THSD7B: variants seen among roughly 807,000 people sequenced by gnomAD.
THSD7B encodes thrombospondin type 1 domain containing 7B, also known as thrombospondin type-1 domain-containing protein 7B.
THSD7B carries 138 observed loss-of-function variants against 213.6 expected under a neutral mutation model. The ratio of observed to expected loss-of-function variants is 0.65; its 90% CI spans 0.56 to 0.74. The LOEUF (loss-of-function observed/expected upper bound fraction) is 0.74. THSD7B is among the 30% of genes least tolerant of loss of function. THSD7B has a pLI of 0.00. For missense variants in THSD7B, 1,931 were observed against 1,991.5 expected (o/e 0.97, Z 0.58); for synonymous variants, 742 against 687.0 (o/e 1.08, Z -1.25).
intron 1 of THSD7B, among the ~76,000 whole-genome samples, chr2:136,871,753 T>C (rs2104981583): frequency 6.6e-6 from 1 of 152,322 alleles, no homozygotes; most frequent in Non-Finnish European, 1.5e-5. Flanking sequence ...TCATTCTCAT[T>C]GGGGAAGCTG....
chr2:137,308,751 C>A (rs1407928330), intron 12 of THSD7B, among the ~76,000 whole-genome samples: 2 of 151,974 alleles, frequency 1.3e-5, no homozygotes, highest in Non-Finnish European at 2.9e-5. Flanking sequence ...AAAGAAACCA[C>A]TATTTATTTT....
In THSD7B at chr2:136,926,775, A is replaced by G. The variant is rs547410599; in HGVS notation, c.139+44458A>G. ...ACCTCTTTTGTCCACTTTACTCAAT[A>G]TTTCTGTGAATTGCTGTGGAATCTT... is the stretch of plus-strand genomic sequence containing the variant. On this transcript the variant is annotated intron_variant, in intron 2 of 27. Transcript: ENST00000409968. 7.2e-5 allele frequency among the ~76,000 whole-genome samples: 11 copies of G among 152,078 alleles called. No homozygotes were observed. In the East Asian group the frequency reaches 1.6e-3, roughly 21 times the overall value.
chr2:136,919,778 G>C (rs937043198), intron 2 of THSD7B, among the ~76,000 whole-genome samples: 6 of 152,188 alleles, frequency 3.9e-5, no homozygotes, highest in Admixed American at 6.5e-5. Context: ...CAGGTGCAGA[G>C]GGGCAAGGAG....
intron 2 of THSD7B, among the ~76,000 whole-genome samples, chr2:137,028,626 A>C (rs1168691500): frequency 6.6e-6 from 1 of 152,244 alleles, no homozygotes; most frequent in Non-Finnish European, 1.5e-5. Flanking sequence ...GATAGGTAAT[A>C]GTCTAGAAGG....
rs766058403 is a variant in THSD7B, at chr2:137,359,241, C to T, written c.2501-46372C>T. On this transcript the variant is annotated intron_variant, in intron 12 of 27. Transcript: ENST00000409968. Reference sequence around the variant, plus strand: ...CCTTCAGGGTCCTGGAAAGGAGCTACTTCTAGGAGCATCTCAGTCCAGGAG... The same window carrying T: ...CCTTCAGGGTCCTGGAAAGGAGCTATTTCTAGGAGCATCTCAGTCCAGGAG... 4.6e-5 allele frequency among the ~76,000 whole-genome samples: 7 copies of T among 152,274 alleles called. No individual in the cohort carries two copies. In the East Asian group the frequency reaches 1.4e-3, roughly 29 times the overall value.
intron 14 of THSD7B, among the ~76,000 whole-genome samples, chr2:137,424,888 G>A (rs896185253): frequency 4.6e-5 from 7 of 151,898 alleles, no homozygotes; most frequent in Admixed American, 2.6e-4. Flanking sequence ...TGGCTAAGAC[G>A]GTGAAACCTC....
chr2:137,514,563 C>G (rs1312277085), intron 15 of THSD7B, among the ~76,000 whole-genome samples: 1 of 152,048 alleles, frequency 6.6e-6, no homozygotes, highest in Admixed American at 6.5e-5. Flanking sequence ...ATTTCTGTCC[C>G]TCTAGAGAAC....
At chr2:137,170,116 C>T (rs781188367) in intron 6 of THSD7B, among the ~76,000 whole-genome samples, 1 of 152,148 alleles carries the variant, frequency 6.6e-6, no homozygotes, top group African/African-American at 2.4e-5. Context: ...GTTCTTATTA[C>T]AGTCTCTGGC....
chr2:137,147,215 A>C (rs10168740), intron 5 of THSD7B, among the ~76,000 whole-genome samples: 113,773 of 151,856 alleles, frequency 0.75, 42,793 homozygotes, highest in African/African-American at 0.77. Context: ...ATGAATGCAC[A>C]TGGGAAGAAG....
At chr2:137,281,494 G>C (rs1683012054) in intron 12 of THSD7B, among the ~76,000 whole-genome samples, 1 of 151,752 alleles carries the variant, frequency 6.6e-6, no homozygotes, top group South Asian at 2.1e-4. Context: ...TGCCATGTTG[G>C]TGTGCTGCAC....
intron 14 of THSD7B, among the ~76,000 whole-genome samples, chr2:137,435,414 TC>T (rs1278284605): frequency 2.0e-5 from 3 of 152,198 alleles, no homozygotes; most frequent in Non-Finnish European, 4.4e-5. Flanking sequence ...TTAAATCTTT[TC>T]AGATTCTTGA....
chr2:137,423,835 TGA>T (rs1461111203), intron 14 of THSD7B, among the ~76,000 whole-genome samples: 1 of 152,072 alleles, frequency 6.6e-6, no homozygotes, highest in Admixed American at 6.6e-5. Flanking sequence ...TATGGAAATG[TGA>T]GAGATCAAGA....
rs913328458 is a variant in THSD7B at position 137,195,471 on chromosome 2, G to A, written c.1723+24533G>A. On this transcript the variant is annotated intron_variant, in intron 7 of 27. Transcript: ENST00000409968. ...ATCAGAAAAAACAAGATGAGCTTGG[G>A]AGATCTTCATGTGCCAAAAAGTAAG... Among the ~76,000 whole-genome samples the A allele has an allele frequency of 3.9e-5, 6 of 152,138 alleles. No homozygotes were observed. In the South Asian group the frequency reaches 8.3e-4, roughly 21 times the overall value.
chr2:137,179,211 C>T (rs1406636186), intron 7 of THSD7B, among the ~76,000 whole-genome samples: 1 of 152,194 alleles, frequency 6.6e-6, no homozygotes, highest in Non-Finnish European at 1.5e-5. Context: ...CTATCCTTTT[C>T]ATCTTCCCCC....
chr2:137,414,233 A>T (rs1261972256), intron 14 of THSD7B, among the ~76,000 whole-genome samples: 2 of 152,160 alleles, frequency 1.3e-5, no homozygotes, highest in East Asian at 1.9e-4. Flanking sequence ...CATAACTTTT[A>T]TGGTACTTGT....
At chr2:137,527,485 C>T (rs1457684504) in intron 15 of THSD7B, among the ~76,000 whole-genome samples, 1 of 152,072 alleles carries the variant, frequency 6.6e-6, no homozygotes, top group Non-Finnish European at 1.5e-5. Flanking sequence ...AGTTACCTTG[C>T]TCCATTTTTT....
intron 1 of THSD7B, among the ~76,000 whole-genome samples, chr2:136,824,838 C>T (rs1188256538): frequency 2.0e-5 from 3 of 152,162 alleles, no homozygotes; most frequent in East Asian, 3.8e-4. Context: ...TGCATACTGA[C>T]TTTGAGAATA....
chr2:136,950,605 T>C (rs184290105), intron 2 of THSD7B, among the ~76,000 whole-genome samples: 283 of 152,306 alleles, frequency 1.9e-3, no homozygotes, highest in African/African-American at 6.5e-3. Context: ...GGGGTAAATT[T>C]ACGCTTAATA....
chr2:137,513,285 T>G (rs1469985639), intron 15 of THSD7B, among the ~76,000 whole-genome samples: 2 of 152,234 alleles, frequency 1.3e-5, no homozygotes, highest in Non-Finnish European at 1.5e-5. Flanking sequence ...ATAGGAAGTT[T>G]TACTGCGACA....
Sources: allele counts gnomAD v4.1 joint callset (sites outside exome capture counted in the v4.1 genomes callset), GRCh38; gene constraint gnomAD v4.1.1; transcripts MANE v1.5; gene names NCBI Gene and HGNC (gene_info 2026-07-23, HGNC 2026-07-21).